EXD1: variants seen among roughly 807,000 people sequenced by gnomAD.
EXD1 encodes exonuclease 3'-5' domain containing 1.
Under a neutral mutation model 49.1 loss-of-function variants are expected in EXD1, and 63 were observed. The observed-to-expected ratio is 1.28, with a 90% CI of 1.05 to 1.58. The LOEUF (loss-of-function observed/expected upper bound fraction) is 1.58. Among genes scored for constraint, EXD1 ranks in the 40% most tolerant of loss-of-function variants. The probability of loss-of-function intolerance (pLI) is 0.00; values close to 1 mark genes in which losing one functional copy is unlikely to be tolerated. For missense variants in EXD1, 748 were observed against 666.0 expected, an observed-to-expected ratio of 1.12 and a Z score of -1.36; for synonymous variants, 234 against 239.2, an observed-to-expected ratio of 0.98 and a Z score of 0.20.
At position 41,226,549 on chromosome 15, in the gene EXD1, G is replaced by A. The variant is rs1366756999; in HGVS notation, c.27C>T (p.Phe9=). The change falls in exon 2 of 12, where the codon TTC becomes TTT. Residue 9 remains phenylalanine, a synonymous_variant. Coordinates refer to ENST00000458580, the MANE Select transcript of EXD1 (RefSeq NM_001286441.2). MDPSSDYH[F]LSQILWKRVK... is the part of the protein sequence containing the mutation. ...CCCTCTTCCACAAAATCTGGCTGAG[G>A]AAATGGTAGTCACTGCTGGGGTCCA... 4 of 1,535,946 alleles carry A rather than the reference G, an allele frequency of 2.6e-6. No individual in the cohort carries two copies. Among genetic ancestry groups the A allele is most frequent in the African/African-American group, 1.4e-5 (1 of 73,038 alleles).
intron 7 of EXD1, among the ~76,000 whole-genome samples, chr15:41,196,933 C>T (rs2046623505): frequency 6.6e-6 from 1 of 152,046 alleles, no homozygotes; most frequent in Non-Finnish European, 1.5e-5. Context: ...TCTTGTGATT[C>T]TCCCACCTCA....
intron 2 of EXD1, among the ~76,000 whole-genome samples, chr15:41,220,442 T>A (rs894640795): frequency 2.6e-5 from 4 of 152,134 alleles, no homozygotes; most frequent in African/African-American, 9.7e-5. Flanking sequence ...TATATTTTAG[T>A]AGAGACGGGG....
intron 7 of EXD1, among the ~76,000 whole-genome samples, chr15:41,200,605 G>C (rs140201154): frequency 6.6e-6 from 1 of 152,280 alleles, no homozygotes; most frequent in African/African-American, 2.4e-5. Flanking sequence ...CAAATTAACT[G>C]AACCAGAAAA....
intron 7 of EXD1, among the ~76,000 whole-genome samples, chr15:41,198,787 C>T (rs2046658551): frequency 6.6e-6 from 1 of 151,714 alleles, no homozygotes; most frequent in South Asian, 2.1e-4. Flanking sequence ...CTCACTGAAA[C>T]CTCTGCCTCC....
At chr15:41,218,952 T>G (rs2047046388) in intron 3 of EXD1, among the ~76,000 whole-genome samples, 1 of 151,780 alleles carries the variant, frequency 6.6e-6, no homozygotes, top group Non-Finnish European at 1.5e-5. Flanking sequence ...TTTACAGGAG[T>G]CCTTTCCTTT....
At chr15:41,226,690 C>A in intron 1 of EXD1, 62 bp from the exon 2 acceptor site, 1 of 1,314,634 alleles carries the variant, frequency 7.6e-7, no homozygotes, top group African/African-American at 1.5e-5. Context: ...AAGTTATTTT[C>A]CCTTTCCCCA....
intron 3 of EXD1, among the ~76,000 whole-genome samples, chr15:41,217,822 C>T (rs1326438275): frequency 6.6e-6 from 1 of 152,196 alleles, no homozygotes; most frequent in Non-Finnish European, 1.5e-5. Flanking sequence ...GCGTGAGCCA[C>T]CACATCTGGC....
intron 7 of EXD1, among the ~76,000 whole-genome samples, chr15:41,199,730 G>A (rs371820651): frequency 1.2e-4 from 4 of 33,492 alleles, no homozygotes; most frequent in African/African-American, 2.1e-4. Flanking sequence ...TATTATATAT[G>A]ATATATATGT....
intron 7 of EXD1, among the ~76,000 whole-genome samples, chr15:41,200,751 C>T (rs1566981461): frequency 6.6e-6 from 1 of 152,076 alleles, no homozygotes; most frequent in Non-Finnish European, 1.5e-5. Flanking sequence ...GACACTATTT[C>T]CAGGTAAACA....
intron 7 of EXD1, among the ~76,000 whole-genome samples, chr15:41,203,275 A>T (rs1217999476): frequency 6.6e-6 from 1 of 152,122 alleles, no homozygotes; most frequent in South Asian, 2.1e-4. Flanking sequence ...TTCCTCTCCC[A>T]CTGAGGACAG....
chr15:41,226,666 A>AT (rs1048318657), intron 1 of EXD1, 38 bp from the exon 2 acceptor site: 1 of 1,431,174 alleles, frequency 7.0e-7, no homozygotes, highest in South Asian at 1.5e-5. Context: ...ATTTTAAAAG[A>AT]TTTTTTGGGA....
intron 6 of EXD1, among the ~76,000 whole-genome samples, chr15:41,212,979 T>C (rs1476539208): frequency 1.3e-5 from 2 of 152,058 alleles, no homozygotes; most frequent in Non-Finnish European, 2.9e-5. Flanking sequence ...AGGTCCAGGC[T>C]GCAGTGAACT....
chr15:41,206,986 C>T (rs534967161), intron 7 of EXD1, among the ~76,000 whole-genome samples: 1 of 136,096 alleles, frequency 7.3e-6, no homozygotes, highest in African/African-American at 2.8e-5. Context: ...TGTGGTGGCT[C>T]ACACCCAGCA....
rs775804864 is a variant in EXD1 at position 41,216,685 on chromosome 15, A to G, written c.371T>C (p.Leu124Pro). The G allele has an allele frequency of 1.2e-6, 2 of 1,612,882 alleles. No homozygotes were observed. Among genetic ancestry groups the G allele is most frequent in the Non-Finnish European group, 1.7e-6 (2 of 1,179,948 alleles). The change falls in exon 5 of 12, where the codon CTC (leucine) becomes CCC (proline). Residue 124 changes from leucine (L) to proline (P), a missense_variant. By Grantham distance (98) the Leu-to-Pro change is moderately conservative. Coordinates refer to ENST00000458580, the MANE Select transcript of EXD1 (RefSeq NM_001286441.2). ...ATATTCACCTGATGGGCTGTACTTG[A>G]GGTCATTCAGCAGAGAGGTAGCTGG... is the stretch of plus-strand genomic sequence containing the variant. The part of the protein sequence containing the change: ...EAPATSLLND[L>P]KYSPSEEEEV...
In EXD1 at chr15:41,215,780, C is replaced by A. The variant is rs376055755; in HGVS notation, c.442G>T (p.Ala148Ser). The change falls in exon 6 of 12, where the codon GCT (alanine) becomes TCT (serine). Residue 148 changes from alanine to serine, a missense_variant. Ala to Ser is a moderately conservative substitution (Grantham distance 99, BLOSUM62 1). Coordinates refer to ENST00000458580, the MANE Select transcript of EXD1 (RefSeq NM_001286441.2). ...TGATTGAGGACAATACTTACCGCAG[C>A]ACCAAACTTCTGCTGGAATTGATTA... Reference protein sequence around the residue: ...VINQFQQKFGAAILHIKKQNV... With the variant: ...VINQFQQKFGSAILHIKKQNV... 3 of 1,613,914 alleles carry A rather than the reference C, an allele frequency of 1.9e-6. No homozygotes were observed.
At chr15:41,198,473 C>T (rs7179676) in intron 7 of EXD1, among the ~76,000 whole-genome samples, 3 of 151,912 alleles carry the variant, frequency 2.0e-5, no homozygotes, top group South Asian at 2.1e-4. Flanking sequence ...AGGAGGATCT[C>T]TTGAACCCAG....
intron 11 of EXD1, among the ~76,000 whole-genome samples, chr15:41,184,983 T>C (rs2046386316): frequency 6.6e-6 from 1 of 152,192 alleles, no homozygotes; most frequent in Admixed American, 6.5e-5. Context: ...TACCAAATGG[T>C]AATTGGTAAA....
At chr15:41,194,821 G>A (rs1030155117) in intron 9 of EXD1, among the ~76,000 whole-genome samples, 3 of 152,104 alleles carry the variant, frequency 2.0e-5, no homozygotes, top group Non-Finnish European at 4.4e-5. Flanking sequence ...GTTAGATTTT[G>A]GAGTAAGCAT....
intron 7 of EXD1, among the ~76,000 whole-genome samples, chr15:41,198,536 T>A (rs1215018643): frequency 6.6e-6 from 1 of 151,622 alleles, no homozygotes; most frequent in Non-Finnish European, 1.5e-5. Flanking sequence ...ACAAAAAATT[T>A]AAAAATCAGC....
Sources: allele counts gnomAD v4.1 joint callset (sites outside exome capture counted in the v4.1 genomes callset), GRCh38; gene constraint gnomAD v4.1.1; transcripts MANE v1.5; gene names NCBI Gene and HGNC (gene_info 2026-07-23, HGNC 2026-07-21).